Variants in NSUN4 observed in about 807,000 individuals in gnomAD.
NSUN4 encodes the protein 5-cytosine rRNA methyltransferase NSUN4.
NSUN4 carries 31 observed loss-of-function variants against 43.8 expected under a neutral mutation model. The observed-to-expected ratio is 0.71, with a 90% confidence interval of 0.53 to 0.96. The LOEUF (loss-of-function observed/expected upper bound fraction) is 0.96. Among genes scored for constraint, NSUN4 ranks in the 40% least tolerant of loss-of-function variants. The pLI is 0.00. For missense variants in NSUN4, 439 were observed against 475.6 expected, an observed-to-expected ratio of 0.92 and a Z score of 0.72; for synonymous variants, 167 against 184.1, an observed-to-expected ratio of 0.91 and a Z score of 0.75.
At chr1:46,366,727 A>AAAAAAAAAAAAAAAAAG (rs1553178523), downstream of NSUN4, among the ~76,000 whole-genome samples, 2 of 127,896 alleles carry the variant, frequency 1.6e-5, no homozygotes, top group Non-Finnish European at 3.4e-5. Flanking sequence ...AAAAAAAAAA[A>AAAAAAAAAAAAAAAAAG]AAGTGGGTAG....
chr1:46,341,751 C>T, intron 1 of NSUN4: 1 of 1,231,802 alleles, frequency 8.1e-7, no homozygotes, highest in Non-Finnish European at 1.0e-6. Context: ...GGGTTCCCCA[C>T]TCTCCAGCCC....
intron 1 of NSUN4, 138 bp downstream of exon 1, chr1:46,341,057 T>A: frequency 1.8e-6 from 2 of 1,121,108 alleles, no homozygotes; most frequent in Non-Finnish European, 2.5e-6. Context: ...CCCTCTCTCG[T>A]CTTTTCCGTC....
chr1:46,342,121 C>A (rs1042215163), intron 1 of NSUN4: 13 of 418,460 alleles, frequency 3.1e-5, no homozygotes, highest in Non-Finnish European at 4.1e-5. Flanking sequence ...AGTCCTATGG[C>A]CTCCCCAACC....
Position 46,362,842 on chromosome 1 carries a change from A to C in NSUN4, c.*996A>C, listed in dbSNP as rs1024810380. 6.6e-6 allele frequency: 1 copy of C among 152,080 alleles called. No individual in the cohort carries two copies. The highest frequency in any genetic ancestry group is 1.5e-5 in the Non-Finnish European group (1 of 68,018). 9.4% of individuals were successfully genotyped at this position (152,080 alleles called of 1,614,324 possible). On this transcript the variant is annotated 3_prime_UTR_variant, in exon 6 of 6. Transcript: ENST00000474844. ...AGCATCACAGGGCTTCACTGCACAC[A>C]CTGTGTTCAGGGCAAGATTTCATCA...
At chr1:46,352,773 TG>T in intron 3 of NSUN4, 94 bp from the exon 4 acceptor site, 1 of 1,217,784 alleles carries the variant, frequency 8.2e-7, no homozygotes, top group Non-Finnish European at 1.2e-6. Flanking sequence ...TTGCATTGGC[TG>T]GGACTACCTG....
chr1:46,365,341 T>C (rs2148428166), downstream of NSUN4, among the ~76,000 whole-genome samples: 1 of 152,268 alleles, frequency 6.6e-6, no homozygotes, highest in South Asian at 2.1e-4. Flanking sequence ...GTGTTTTCTT[T>C]TCTTTTTTTA....
intron 4 of NSUN4, among the ~76,000 whole-genome samples, chr1:46,359,260 A>C (rs7532149): frequency 0.22 from 33,985 of 151,918 alleles, 4,242 homozygotes; most frequent in Non-Finnish European, 0.29. Flanking sequence ...ACTCCATCCC[A>C]AAAACAAACA....
intron 4 of NSUN4, among the ~76,000 whole-genome samples, chr1:46,360,495 A>G (rs890270723): frequency 4.6e-5 from 7 of 151,738 alleles, no homozygotes; most frequent in Non-Finnish European, 8.8e-5. Context: ...TTGACCAGCC[A>G]TGAATATTCC....
downstream of NSUN4, among the ~76,000 whole-genome samples, chr1:46,367,496 A>G (rs1200395308): frequency 2.0e-5 from 3 of 152,006 alleles, no homozygotes; most frequent in South Asian, 2.1e-4. Context: ...TTTTCTTTGC[A>G]CTATTTTTAT....
intron 2 of NSUN4, 165 bp downstream of exon 2, chr1:46,345,309 C>T: frequency 1.8e-6 from 1 of 565,816 alleles, no homozygotes; most frequent in Non-Finnish European, 3.1e-6. Flanking sequence ...TATGTTATCT[C>T]TTTTTGTTCT....
At chr1:46,356,564 C>T (rs1428355568) in intron 4 of NSUN4, among the ~76,000 whole-genome samples, 3 of 152,064 alleles carry the variant, frequency 2.0e-5, no homozygotes, top group Admixed American at 1.3e-4. Flanking sequence ...AGATGGCGGG[C>T]GCCTGGAATC....
chr1:46,349,894 G>T (rs770020259), intron 3 of NSUN4, among the ~76,000 whole-genome samples: 8 of 152,162 alleles, frequency 5.3e-5, no homozygotes, highest in Non-Finnish European at 1.2e-4. Flanking sequence ...TGAACTAGGA[G>T]GAGGAAGAAG....
chr1:46,345,200 G>T, intron 2 of NSUN4, 56 bp downstream of exon 2: 1 of 1,302,892 alleles, frequency 7.7e-7, no homozygotes, highest in African/African-American at 1.5e-5. Flanking sequence ...AAGTAGACAT[G>T]TTGAGACCCA....
chr1:46,347,497 A>G (rs559490313), intron 3 of NSUN4, among the ~76,000 whole-genome samples: 2 of 152,204 alleles, frequency 1.3e-5, no homozygotes, highest in Non-Finnish European at 2.9e-5. Context: ...AGTGGAGGGT[A>G]GTACTTACTT....
intron 5 of NSUN4, 67 bp from the exon 6 acceptor site, chr1:46,361,503 T>A: frequency 6.9e-7 from 1 of 1,452,048 alleles, no homozygotes; most frequent in Admixed American, 1.8e-5. Flanking sequence ...TGTTTCCAGC[T>A]CCTTATGTTG....
chr1:46,371,135 ATTTTTTT>A, the NSUN4 span, among the ~76,000 whole-genome samples: 1 of 131,148 alleles, frequency 7.6e-6, no homozygotes, highest in Non-Finnish European at 1.6e-5. Flanking sequence ...TGCCACCTTG[ATTTTTTT>A]TTTTTTTTTT....
chr1:46,379,347 C>T, the NSUN4 span, among the ~76,000 whole-genome samples: 3 of 151,952 alleles, frequency 2.0e-5, no homozygotes, highest in South Asian at 4.2e-4. Context: ...CCAGGTGGGG[C>T]GGCTCACACC....
Position 46,341,136 on chromosome 1 carries a change from A to C in NSUN4, c.93+217A>C, listed in dbSNP as rs955636334. ...CACTTGTTACGTCTGCAGTCTCCTG[A>C]CTCCGCCCAAGTTGCGTCATCACCT... On this transcript the variant is annotated intron_variant, in intron 1 of 5. Coordinates refer to ENST00000474844, the MANE Select transcript of NSUN4 (RefSeq NM_199044.4). 9 of 1,300,518 alleles carry C rather than the reference A, an allele frequency of 6.9e-6. No homozygotes were observed. The African/African-American group carries it at 9.1e-5, about 13-fold the overall frequency. The allele number at this position is 1,300,518 out of a possible 1,614,324, so 80.6% of individuals were successfully genotyped here. A position where few individuals can be genotyped will look rare whatever the true frequency, so the allele number is the denominator to read the frequency against.
chr1:46,378,119 G>A, the NSUN4 span, among the ~76,000 whole-genome samples: 20 of 151,930 alleles, frequency 1.3e-4, no homozygotes, highest in Admixed American at 1.1e-3. Flanking sequence ...GGCTGGTCTC[G>A]AACTCCTGAG....
Sources: allele counts gnomAD v4.1 joint callset (sites outside exome capture counted in the v4.1 genomes callset), GRCh38; gene constraint gnomAD v4.1.1; transcripts MANE v1.5; gene names NCBI Gene and HGNC (gene_info 2026-07-23, HGNC 2026-07-21).